The following SLC12A9 variants were observed in gnomAD, a reference collection of about 807,000 sequenced individuals.
The protein encoded by SLC12A9 is solute carrier family 12 member 9.
SLC12A9 carries 55 observed loss-of-function variants against 66.0 expected under a neutral mutation model. The observed-to-expected ratio is 0.83, with a 90% CI of 0.67 to 1.04. The LOEUF (loss-of-function observed/expected upper bound fraction) is 1.04. SLC12A9 is among the 50% of genes least tolerant of loss of function. SLC12A9 has a pLI of 0.00. For missense variants in SLC12A9, 1,061 were observed against 1,241.9 expected (o/e 0.85, Z 2.19); for synonymous variants, 577 against 569.0 (o/e 1.01, Z -0.20).
intron 1 of SLC12A9, among the ~76,000 whole-genome samples, chr7:100,830,816 T>A (rs1318161549): frequency 1.3e-5 from 2 of 152,126 alleles, no homozygotes; most frequent in African/African-American, 4.8e-5. Flanking sequence ...GGAGATGGCA[T>A]CTGAGATTTT....
chr7:100,844,202 T>C (rs888611482), intron 1 of SLC12A9, among the ~76,000 whole-genome samples: 2 of 152,196 alleles, frequency 1.3e-5, no homozygotes, highest in Admixed American at 6.5e-5. Flanking sequence ...TATGGTCCTA[T>C]TATTTTACAG....
Position 100,866,164 on chromosome 7 carries a change from C to A in SLC12A9, c.2304C>A (p.Ile768=). 1.2e-6 allele frequency: 2 copies of A among 1,612,664 alleles called. No homozygotes were observed. Among genetic ancestry groups the A allele is most frequent in the Non-Finnish European group, 8.5e-7 (1 of 1,179,742 alleles). ...VPAWHSARLR[I]FLCLGPREAP... ...CTTGGCATAGCGCCCGGCTCCGGAT[C>A]TTCCTGTGCCTGGGGCCTCGGGAGG... The change falls in exon 14 of 14, where the codon ATC becomes ATA. Residue 768 remains isoleucine, a synonymous_variant. Transcript: ENST00000354161. This position sits in a 1 kb window ranked among gnomAD's most constrained non-coding sequence, Gnocchi z 7.3.
intron 1 of SLC12A9, among the ~76,000 whole-genome samples, chr7:100,838,579 G>A (rs1424535624): frequency 6.6e-6 from 1 of 152,010 alleles, no homozygotes; most frequent in African/African-American, 2.4e-5. Flanking sequence ...GTACAGTGAC[G>A]CGATCTTGGC....
At chr7:100,827,049 T>C (rs1379830090) in intron 1 of SLC12A9, 2 of 1,571,864 alleles carry the variant, frequency 1.3e-6, no homozygotes, top group Non-Finnish European at 1.7e-6. Flanking sequence ...CTCACTCGGG[T>C]AGGATCCGAA....
chr7:100,861,174 G>A lies in SLC12A9; in HGVS notation c.1255G>A (p.Ala419Thr). 2 of 1,614,158 alleles carry A rather than the reference G, an allele frequency of 1.2e-6. No individual in the cohort carries two copies. The highest frequency in any genetic ancestry group is 1.1e-5 in the South Asian group (1 of 91,092). The change falls in exon 10 of 14, where the codon GCT becomes ACT. Residue 419 changes from alanine to threonine, a missense_variant. Transcript: ENST00000354161. This position sits in a 1 kb window ranked among gnomAD's most constrained non-coding sequence, Gnocchi z 5.3. Reference sequence around the variant, plus strand: ...GGCTGGGAAGCTGAACACACTGGCTGCTGTGGTCACTGTCTTCTACCTGGT... The same window carrying A: ...GGCTGGGAAGCTGAACACACTGGCTACTGTGGTCACTGTCTTCTACCTGGT... Reference protein sequence around the residue: ...LLAGKLNTLAAVVTVFYLVAY... With the variant: ...LLAGKLNTLATVVTVFYLVAY...
upstream of SLC12A9, among the ~76,000 whole-genome samples, chr7:100,849,356 G>T (rs1429182168): frequency 6.6e-6 from 1 of 152,054 alleles, no homozygotes; most frequent in African/African-American, 2.4e-5. Flanking sequence ...TCTAAACTGG[G>T]CTAGGCAGGC....
chr7:100,860,374 T>TGGAACTTTGTGGGGTTCACC lies in SLC12A9; in HGVS notation c.1218+144_1218+145insAACTTTGTGGGGTTCACCGG, dbSNP rs576778610. On this transcript the variant is annotated intron_variant, in intron 9 of 13. Transcript: ENST00000354161. Reference sequence around the variant, plus strand: ...TGCACTGGCACTCTGCAGGGTTCACTGGCACTTTGTGGGGTTCACCAGCAC... The same window carrying TGGAACTTTGTGGGGTTCACC: ...TGCACTGGCACTCTGCAGGGTTCACTGGAACTTTGTGGGGTTCACCGGCACTTTGTGGGGTTCACCAGCAC... The TGGAACTTTGTGGGGTTCACC allele has an allele frequency of 4.9e-6, 4 of 811,876 alleles. No individual in the cohort carries two copies. The Admixed American group carries it at 1.2e-4, about 23-fold the overall frequency. 50.3% of individuals were successfully genotyped at this position (811,876 alleles called of 1,614,324 possible).
At chr7:100,850,264 T>C (rs1465033920), upstream of SLC12A9, among the ~76,000 whole-genome samples, 4 of 143,642 alleles carry the variant, frequency 2.8e-5, no homozygotes, top group African/African-American at 7.4e-5. Flanking sequence ...TCTTTCTTTT[T>C]TTTTTTTTTT....
intron 1 of SLC12A9, among the ~76,000 whole-genome samples, chr7:100,841,990 A>G (rs1425205547): frequency 2.0e-5 from 3 of 152,182 alleles, no homozygotes; most frequent in African/African-American, 7.2e-5. Flanking sequence ...TACCACCCCT[A>G]GAATTTCCGG....
rs559779198 is a variant in SLC12A9 at position 100,842,024 on chromosome 7, C to G, written n.228+14977C>G. On this transcript the variant is annotated intron_variant and non_coding_transcript_variant, in intron 1 of 1. Coordinates refer to the SLC12A9 transcript ENST00000461016. ...GGTAAACCAGCACCAGCCTGAAGAT[C>G]ATATTCTCATCAAACTGTGGAAGAA... 9.9e-5 allele frequency among the ~76,000 whole-genome samples: 15 copies of G among 151,864 alleles called. No homozygotes were observed. In the South Asian group the frequency reaches 2.7e-3, roughly 27 times the overall value.
rs370964216 is a variant in SLC12A9, at chr7:100,865,998, G to A, written c.2138G>A (p.Arg713Gln). The change falls in exon 14 of 14, where the codon CGG (arginine) becomes CAG (glutamine). Residue 713 changes from arginine (R) to glutamine (Q), a missense_variant. By Grantham distance (43) the Arg-to-Gln change is conservative (BLOSUM62 1). Coordinates refer to ENST00000354161, the MANE Select transcript of SLC12A9 (RefSeq NM_020246.4). ...GCCTTGCCCCCTGAGCGGCTGAGCC[G>A]GGGGTCTGGGGGCACCTCTCAGCTG... is the stretch of plus-strand genomic sequence containing the variant. ...SGALPPERLS[R>Q]GSGGTSQLHH... 3 of 1,612,540 alleles carry A rather than the reference G, an allele frequency of 1.9e-6. No individual in the cohort carries two copies. Among genetic ancestry groups the A allele is most frequent in the Non-Finnish European group, 2.5e-6 (3 of 1,179,688 alleles).
intron 9 of SLC12A9, 142 bp downstream of exon 9, chr7:100,860,374 TG>T (rs576778610): frequency 1.2e-6 from 1 of 811,878 alleles, no homozygotes; most frequent in African/African-American, 1.7e-5. Flanking sequence ...CAGGGTTCAC[TG>T]GCACTTTGTG....
rs372134673 is a variant in SLC12A9, at chr7:100,864,500, G to C, written c.1859-1219G>C. 1.6e-4 allele frequency among the ~76,000 whole-genome samples: 24 copies of C among 152,226 alleles called. No homozygotes were observed. In the East Asian group the frequency reaches 3.1e-3, roughly 20 times the overall value. On this transcript the variant is annotated intron_variant, in intron 13 of 13. Transcript: ENST00000354161. The stretch of plus-strand genomic sequence containing the variant: ...TGAGCAGTGTTTGTTTCATGAGAAG[G>C]GGTCTTGGAAGAGGTCTCTGCGTCT...
chr7:100,829,274 C>T (rs1361743780), intron 1 of SLC12A9, among the ~76,000 whole-genome samples: 1 of 152,166 alleles, frequency 6.6e-6, no homozygotes, highest in Admixed American at 6.5e-5. Flanking sequence ...AGACGTTAGC[C>T]ACCGCGCCCA....
intron 1 of SLC12A9, 35 bp from the exon 2 acceptor site, chr7:100,854,121 G>T: frequency 7.3e-7 from 1 of 1,378,066 alleles, no homozygotes. Flanking sequence ...GAGCTCTGTG[G>T]GGGAGCTTTT....
intron 12 of SLC12A9, 80 bp from the exon 13 acceptor site, chr7:100,862,584 AGCCATAGCCCTGCCCAG>A: frequency 7.1e-7 from 1 of 1,417,512 alleles, no homozygotes; most frequent in Non-Finnish European, 9.8e-7. Context: ...CCCTCCAAGT[AGCCATAGCCCTGCCCAG>A]GCCCGTCTGT....
chr7:100,856,924 C>A lies in SLC12A9; in HGVS notation c.505C>A (p.Leu169Met). Residue 169 changes from leucine to methionine, a missense_variant, in exon 5 of 14, where the codon CTG becomes ATG. Physicochemically the swap from Leu to Met is conservative, Grantham distance 15 (BLOSUM62 2). Transcript: ENST00000354161. The part of the protein sequence containing the change: ...VLPQGYGWNL[L>M]YGSLLLGLVG... Reference sequence around the variant, plus strand: ...GCCCCAGGGCTACGGCTGGAACCTGCTGTATGGCTCCCTGCTGCTGGGCCT... The same window carrying A: ...GCCCCAGGGCTACGGCTGGAACCTGATGTATGGCTCCCTGCTGCTGGGCCT... 6.2e-7 allele frequency: 1 copy of A among 1,612,200 alleles called. No individual in the cohort carries two copies. The highest frequency in any genetic ancestry group is 1.1e-5 in the South Asian group (1 of 91,084).
At chr7:100,856,129 G>A in intron 4 of SLC12A9, 1 of 240,284 alleles carries the variant, frequency 4.2e-6, no homozygotes, top group South Asian at 7.4e-5. Context: ...GGGAAGTGGG[G>A]AAGGTGGACT....
chr7:100,842,345 G>A (rs1015933436), intron 1 of SLC12A9, among the ~76,000 whole-genome samples: 6 of 152,016 alleles, frequency 3.9e-5, no homozygotes, highest in Non-Finnish European at 1.5e-5. Flanking sequence ...TTTAATGATT[G>A]CTTTGTTATA....
Sources: gnomAD v4.1 joint callset for allele counts (sites outside exome capture counted in the v4.1 genomes callset) on GRCh38, gnomAD v4.1.1 for gene constraint, Gnocchi (gnomAD v3.1) non-coding constraint, MANE v1.5 for transcripts, NCBI Gene and HGNC (gene_info 2026-07-23, HGNC 2026-07-21) for gene names.